PALM2AKAP2: variants seen among roughly 807,000 people sequenced by gnomAD.
The protein encoded by PALM2AKAP2 is PALM2-AKAP2 fusion protein.
PALM2AKAP2 carries 37 observed loss-of-function variants against 71.5 expected under a neutral mutation model. The ratio of observed to expected loss-of-function variants is 0.52; its 90% CI spans 0.40 to 0.68. The LOEUF (loss-of-function observed/expected upper bound fraction) is 0.68. PALM2AKAP2 is among the 30% of genes least tolerant of loss of function. The probability of loss-of-function intolerance (pLI) is 0.00; values close to 1 mark genes in which losing one functional copy is unlikely to be tolerated. For missense variants in PALM2AKAP2, 1,224 were observed against 1,191.8 expected (o/e 1.03, Z -0.40); for synonymous variants, 468 against 478.8 (o/e 0.98, Z 0.29).
chr9:109,744,363 C>T (rs1207730727), intron 1 of PALM2AKAP2, among the ~76,000 whole-genome samples: 1 of 152,132 alleles, frequency 6.6e-6, no homozygotes, highest in Non-Finnish European at 1.5e-5. Context: ...ATATGGTTGT[C>T]ATACTCCAGG....
intron 7 of PALM2AKAP2, among the ~76,000 whole-genome samples, chr9:110,043,588 A>G (rs979607666): frequency 6.6e-6 from 1 of 151,054 alleles, no homozygotes; most frequent in African/African-American, 2.4e-5. Flanking sequence ...ATTTACTCAT[A>G]TTGTAGGCAA....
chr9:110,100,557 G>A (rs75852483), intron 1 of PALM2AKAP2, among the ~76,000 whole-genome samples: 4,106 of 152,166 alleles, frequency 0.027, 179 homozygotes, highest in African/African-American at 0.094. Context: ...AAGGCTTAAC[G>A]GCCAGTCCTC....
At position 110,068,518 on chromosome 9, in the gene PALM2AKAP2, TAA is replaced by T. The variant is rs1298287749; in HGVS notation, c.156+19677_156+19678del. Among the ~76,000 whole-genome samples the T allele has an allele frequency of 1.3e-4, 18 of 139,862 alleles. No individual in the cohort carries two copies. In the East Asian group the frequency reaches 3.4e-3, roughly 26 times the overall value. The allele number at this position is 139,862 out of a possible 152,430, so 91.8% of individuals were successfully genotyped here. On this transcript the variant is annotated intron_variant, in intron 1 of 3. Coordinates refer to ENST00000374525, the Ensembl canonical transcript of PALM2AKAP2. ...ACTGAGGGCAAAATTGGAGCTTTTT[TAA>T]AAAAAAAAAAAAATTTAATTTTTTT...
rs772668924 is a variant in PALM2AKAP2 at position 110,162,150 on chromosome 9, T to G, written c.2748+5653T>G. ...CTTCCGAGGTACTTTTCAATTTGTTTGTCTTGGTCTTACTGAATGCATGAT... is the reference window on the plus strand; with the variant it reads ...CTTCCGAGGTACTTTTCAATTTGTTGGTCTTGGTCTTACTGAATGCATGAT... On this transcript the variant is annotated intron_variant, in intron 3 of 3. Transcript: ENST00000374525. 16 of 1,613,698 alleles carry G rather than the reference T, an allele frequency of 9.9e-6. No individual in the cohort carries two copies. The highest frequency in any genetic ancestry group is 2.5e-6 in the Non-Finnish European group (3 of 1,179,706).
At chr9:110,038,022 C>G (rs1833443657) in intron 7 of PALM2AKAP2, among the ~76,000 whole-genome samples, 1 of 152,116 alleles carries the variant, frequency 6.6e-6, no homozygotes, top group South Asian at 2.1e-4. Context: ...GAGAACGAAC[C>G]TTAAAAGAGG....
intron 1 of PALM2AKAP2, among the ~76,000 whole-genome samples, chr9:109,716,840 G>A (rs1828329138): frequency 6.6e-6 from 1 of 152,200 alleles, no homozygotes; most frequent in African/African-American, 2.4e-5. Flanking sequence ...GATGTGGTTA[G>A]GTTTGGCTTT....
At chr9:109,802,979 C>A (rs191593697) in intron 1 of PALM2AKAP2, among the ~76,000 whole-genome samples, 1 of 152,252 alleles carries the variant, frequency 6.6e-6, no homozygotes, top group East Asian at 1.9e-4. Context: ...AGTCTCTTAG[C>A]CTCATCAGTT....
chr9:109,766,914 G>A (rs763496266), intron 1 of PALM2AKAP2, among the ~76,000 whole-genome samples: 1 of 152,160 alleles, frequency 6.6e-6, no homozygotes, highest in East Asian at 1.9e-4. Flanking sequence ...GAGCCTTGCA[G>A]TGCCAGTGCT....
chr9:110,160,719 C>G (rs1836574598), intron 3 of PALM2AKAP2, among the ~76,000 whole-genome samples: 1 of 152,130 alleles, frequency 6.6e-6, no homozygotes, highest in Non-Finnish European at 1.5e-5. Context: ...CGAGGGTTTG[C>G]TTTGCCTTTC....
At chr9:110,123,898 C>T (rs1369942314) in intron 1 of PALM2AKAP2, among the ~76,000 whole-genome samples, 2 of 152,166 alleles carry the variant, frequency 1.3e-5, no homozygotes, top group Non-Finnish European at 2.9e-5. Context: ...CATGTGATTT[C>T]TGCCTCATTT....
chr9:110,011,008 A>AAG (rs1554737819), intron 6 of PALM2AKAP2, among the ~76,000 whole-genome samples: 1 of 91,758 alleles, frequency 1.1e-5, no homozygotes, highest in East Asian at 2.5e-4. Flanking sequence ...AAAAAAAAAA[A>AAG]AAAAAAATAT....
At chr9:109,969,861 C>A (rs750021103) in intron 6 of PALM2AKAP2, among the ~76,000 whole-genome samples, 1 of 152,124 alleles carries the variant, frequency 6.6e-6, no homozygotes, top group Non-Finnish European at 1.5e-5. Flanking sequence ...CTCCCCGAAC[C>A]CCACCAGGAT....
chr9:110,026,556 C>T (rs1833185249), intron 7 of PALM2AKAP2, among the ~76,000 whole-genome samples: 1 of 152,130 alleles, frequency 6.6e-6, no homozygotes, highest in African/African-American at 2.4e-5. Context: ...CTGTAACCAT[C>T]ATCGTCATCC....
At chr9:110,057,662 GCCACCACGC>G (rs948104586) in intron 1 of PALM2AKAP2, among the ~76,000 whole-genome samples, 4 of 151,834 alleles carry the variant, frequency 2.6e-5, no homozygotes. Context: ...ACAGGTGTGA[GCCACCACGC>G]CCAGCCCTCT....
chr9:109,767,128 G>T (rs1409075693), intron 1 of PALM2AKAP2, among the ~76,000 whole-genome samples: 2 of 152,184 alleles, frequency 1.3e-5, no homozygotes, highest in East Asian at 3.9e-4. Flanking sequence ...ATTTTCTCAA[G>T]TTTAAACTCA....
Position 110,107,331 on chromosome 9 carries a change from G to A in PALM2AKAP2, c.157-28796G>A, listed in dbSNP as rs147276456. On this transcript the variant is annotated intron_variant, in intron 1 of 3. Coordinates refer to ENST00000374525, the Ensembl canonical transcript of PALM2AKAP2. ...TCTGATCAGTATGCATTGTATGTAC[G>A]GAAACATCACTATGTACCCCATAAA... Among the ~76,000 whole-genome samples, 54 of 151,948 alleles carry A rather than the reference G, an allele frequency of 3.6e-4. No homozygotes were observed. The East Asian group carries it at 6.0e-3, about 17-fold the overall frequency.
chr9:109,671,504 A>G (rs917103049), intron 1 of PALM2AKAP2, among the ~76,000 whole-genome samples: 1 of 152,190 alleles, frequency 6.6e-6, no homozygotes, highest in Non-Finnish European at 1.5e-5. Flanking sequence ...TGGTTACTGT[A>G]GCCCTGTAGC....
chr9:110,070,382 C>A (rs918579265), intron 1 of PALM2AKAP2, among the ~76,000 whole-genome samples: 19 of 152,064 alleles, frequency 1.2e-4, no homozygotes, highest in Non-Finnish European at 1.5e-5. Flanking sequence ...TTCCAAAGAA[C>A]AATGACTATT....
chr9:109,965,212 A>T (rs1930254), intron 6 of PALM2AKAP2, among the ~76,000 whole-genome samples: 25,884 of 152,204 alleles, frequency 0.17, 2,520 homozygotes, highest in East Asian at 0.42. Flanking sequence ...ATAGATTTGT[A>T]TGGAGAATAA....
Sources: gnomAD v4.1 joint callset for allele counts (sites outside exome capture counted in the v4.1 genomes callset) on GRCh38, gnomAD v4.1.1 for gene constraint, MANE v1.5 for transcripts, NCBI Gene and HGNC (gene_info 2026-07-23, HGNC 2026-07-21) for gene names.